Variants in CMSS1 observed in about 807,000 individuals in gnomAD.
CMSS1 encodes protein CMSS1.
In CMSS1, 33 loss-of-function variants were observed where a neutral mutation model predicts 43.5. That is an observed-to-expected ratio of 0.76 (90% confidence interval 0.57 to 1.01). The LOEUF (loss-of-function observed/expected upper bound fraction) is 1.01. Ranked by LOEUF, CMSS1 falls within the 50% of genes least tolerant of loss-of-function variation. CMSS1 has a pLI of 0.00. For missense variants in CMSS1, 313 were observed against 326.4 expected, an observed-to-expected ratio of 0.96 and a Z score of 0.32; for synonymous variants, 115 against 117.2, an observed-to-expected ratio of 0.98 and a Z score of 0.12.
At chr3:100,147,804 T>C (rs2066867001) in intron 2 of CMSS1, among the ~76,000 whole-genome samples, 1 of 152,202 alleles carries the variant, frequency 6.6e-6, no homozygotes, top group African/African-American at 2.4e-5. Flanking sequence ...GTCTGTCATA[T>C]GCATTCTTAA....
intron 1 of CMSS1, among the ~76,000 whole-genome samples, chr3:99,942,354 AG>A (rs1437664184): frequency 6.6e-6 from 1 of 152,256 alleles, no homozygotes; most frequent in African/African-American, 2.4e-5. Flanking sequence ...TAAATACTCC[AG>A]AAAAAAATAA....
chr3:99,930,026 G>T (rs370064657), intron 1 of CMSS1: 4 of 1,597,952 alleles, frequency 2.5e-6, no homozygotes, highest in Non-Finnish European at 2.6e-6. Flanking sequence ...ACCTCATCTC[G>T]AGCCTGTAGG....
intron 1 of CMSS1, among the ~76,000 whole-genome samples, chr3:99,846,031 G>C (rs1943349544): frequency 6.6e-6 from 1 of 152,202 alleles, no homozygotes; most frequent in Non-Finnish European, 1.5e-5. Context: ...TTATTATAGA[G>C]AATTTCTGTA....
intron 1 of CMSS1, among the ~76,000 whole-genome samples, chr3:99,829,530 T>C (rs1199825190): frequency 6.6e-6 from 1 of 152,220 alleles, no homozygotes; most frequent in Non-Finnish European, 1.5e-5. Context: ...ACTTTCCTGT[T>C]TTACATGTGG....
chr3:99,923,895 C>T (rs1051043808), intron 1 of CMSS1, among the ~76,000 whole-genome samples: 4 of 152,182 alleles, frequency 2.6e-5, no homozygotes, highest in African/African-American at 7.2e-5. Flanking sequence ...CACTTCTATA[C>T]TAACACACTT....
At chr3:99,989,339 G>A (rs147549458) in intron 1 of CMSS1, among the ~76,000 whole-genome samples, 107 of 152,258 alleles carry the variant, frequency 7.0e-4, no homozygotes, top group African/African-American at 2.5e-3. Context: ...TGTAGAGGTG[G>A]GGGTGAGGCA....
chr3:99,824,843 G>T (rs895364927), intron 1 of CMSS1, among the ~76,000 whole-genome samples: 2 of 152,198 alleles, frequency 1.3e-5, no homozygotes, highest in African/African-American at 4.8e-5. Flanking sequence ...TTGTCACCTA[G>T]AATCAATGTG....
At chr3:100,078,035 A>C (rs1214419561) in intron 1 of CMSS1, among the ~76,000 whole-genome samples, 1 of 152,180 alleles carries the variant, frequency 6.6e-6, no homozygotes. Context: ...TTGTACTAAC[A>C]ATATTGAGTT....
chr3:100,071,376 C>T (rs2065761004), intron 1 of CMSS1, among the ~76,000 whole-genome samples: 1 of 152,182 alleles, frequency 6.6e-6, no homozygotes, highest in South Asian at 2.1e-4. Flanking sequence ...CAGTAATGCT[C>T]AGTTCCTGCT....
intron 1 of CMSS1, among the ~76,000 whole-genome samples, chr3:99,835,475 T>C (rs1472339721): frequency 3.0e-4 from 46 of 152,216 alleles, no homozygotes; most frequent in Admixed American, 3.0e-3. Flanking sequence ...TTATTAGCCA[T>C]ATGAGCTTTT....
chr3:100,088,991 A>T (rs182168248), intron 1 of CMSS1, among the ~76,000 whole-genome samples: 6 of 152,294 alleles, frequency 3.9e-5, no homozygotes, highest in Admixed American at 3.9e-4. Flanking sequence ...CATGGTTTAC[A>T]CTCTCCAGAG....
At chr3:99,992,346 CTT>C (rs1010263230) in intron 1 of CMSS1, among the ~76,000 whole-genome samples, 21 of 151,862 alleles carry the variant, frequency 1.4e-4, no homozygotes, top group African/African-American at 4.8e-4. Flanking sequence ...TTTTTTGACT[CTT>C]TAATAATAGC....
chr3:99,817,889 C>G lies in CMSS1; in HGVS notation c.-91C>G, dbSNP rs1047349811. The G allele has an allele frequency of 4.9e-5, 67 of 1,377,210 alleles. 1 individual carries two copies. The highest frequency in any genetic ancestry group is 8.8e-5 in the Admixed American group (5 of 56,838). The allele number at this position is 1,377,210 out of a possible 1,614,324, so 85.3% of individuals were successfully genotyped here. A position where few individuals can be genotyped will look rare whatever the true frequency, so the allele number is the denominator to read the frequency against. ...TGTCTAGCGGGAGCTCCGCGTGTAG[C>G]TACGCCGGCCGCCTGGCTTTGAGAC... is the stretch of plus-strand genomic sequence containing the variant. On this transcript the variant is annotated 5_prime_UTR_variant, in exon 1 of 10. Transcript: ENST00000421999.
chr3:99,866,716 A>G (rs1234921794), intron 1 of CMSS1, among the ~76,000 whole-genome samples: 3 of 152,114 alleles, frequency 2.0e-5, no homozygotes, highest in Non-Finnish European at 2.9e-5. Flanking sequence ...TCCTACTTCT[A>G]CCTTTACCCA....
At chr3:100,146,665 A>G (rs147608518) in intron 1 of CMSS1, among the ~76,000 whole-genome samples, 2 of 152,222 alleles carry the variant, frequency 1.3e-5, no homozygotes, top group Non-Finnish European at 2.9e-5. Flanking sequence ...GCCTTTTGTC[A>G]TTGTAAACTC....
intron 2 of CMSS1, among the ~76,000 whole-genome samples, chr3:100,154,320 G>C (rs1347555498): frequency 6.6e-6 from 1 of 152,038 alleles, no homozygotes. Context: ...GTTCACATCA[G>C]AGCAGAACAT....
chr3:100,123,812 G>A (rs1207785649), intron 1 of CMSS1, among the ~76,000 whole-genome samples: 1 of 152,218 alleles, frequency 6.6e-6, no homozygotes, highest in East Asian at 1.9e-4. Context: ...TTTGTACAAT[G>A]TCCTAGATCT....
intron 1 of CMSS1, among the ~76,000 whole-genome samples, chr3:99,918,748 C>A (rs1482974876): frequency 1.3e-5 from 2 of 152,104 alleles, no homozygotes; most frequent in African/African-American, 4.8e-5. Flanking sequence ...TGTGTTAGGT[C>A]CAGCATGTAT....
At chr3:99,881,325 T>C (rs1705719338) in intron 1 of CMSS1, among the ~76,000 whole-genome samples, 1 of 152,212 alleles carries the variant, frequency 6.6e-6, no homozygotes, top group African/African-American at 2.4e-5. Context: ...TTGTGTTTCC[T>C]TGGTAACTAA....
Sources: allele counts gnomAD v4.1 joint callset (sites outside exome capture counted in the v4.1 genomes callset), GRCh38; gene constraint gnomAD v4.1.1; transcripts MANE v1.5; gene names NCBI Gene and HGNC (gene_info 2026-07-23, HGNC 2026-07-21).